ARL15: variants seen among roughly 807,000 people sequenced by gnomAD.
The protein encoded by ARL15 is ARF like GTPase 15.
ARL15 carries 19 observed loss-of-function variants against 25.2 expected under a neutral mutation model. The ratio of observed to expected loss-of-function variants is 0.75; its 90% CI spans 0.53 to 1.10. ARL15 has a LOEUF of 1.10. ARL15 is among the 50% of genes least tolerant of loss of function. The pLI, the probability that ARL15 is intolerant of heterozygous loss-of-function variation, is 0.00. For missense variants in ARL15, 220 were observed against 246.0 expected (o/e 0.89, Z 0.71); for synonymous variants, 94 against 86.8 (o/e 1.08, Z -0.46).
chr5:53,990,645 G>A (rs1294693293), intron 4 of ARL15, among the ~76,000 whole-genome samples: 1 of 152,168 alleles, frequency 6.6e-6, no homozygotes, highest in Non-Finnish European at 1.5e-5. Context: ...CCATGGGAAA[G>A]CATTTTCTGG....
At chr5:53,975,183 T>C (rs1747886921) in intron 4 of ARL15, among the ~76,000 whole-genome samples, 1 of 152,176 alleles carries the variant, frequency 6.6e-6, no homozygotes, top group Non-Finnish European at 1.5e-5. Context: ...CATCTTTTTC[T>C]CTAAACTTTC....
chr5:54,302,895 C>T (rs1177292162), intron 1 of ARL15, among the ~76,000 whole-genome samples: 2 of 151,658 alleles, frequency 1.3e-5, no homozygotes, highest in African/African-American at 2.4e-5. Flanking sequence ...GACATTGGGA[C>T]ATTTGGGGAG....
intron 4 of ARL15, among the ~76,000 whole-genome samples, chr5:54,081,615 T>C (rs1416855646): frequency 6.6e-6 from 1 of 152,138 alleles, no homozygotes; most frequent in Non-Finnish European, 1.5e-5. Flanking sequence ...GTATTATAAA[T>C]TGCTTTTCCC....
intron 1 of ARL15, among the ~76,000 whole-genome samples, chr5:54,258,352 G>A (rs1270728214): frequency 6.6e-6 from 1 of 151,970 alleles, no homozygotes; most frequent in African/African-American, 2.4e-5. Flanking sequence ...CCATCCTCCC[G>A]TTACAGATGG....
intron 1 of ARL15, among the ~76,000 whole-genome samples, chr5:54,309,880 C>G (rs935858636): frequency 6.6e-6 from 1 of 152,170 alleles, no homozygotes; most frequent in Admixed American, 6.5e-5. Flanking sequence ...CAGTCCTGTT[C>G]GTGCCAGCCT....
intron 1 of ARL15, among the ~76,000 whole-genome samples, chr5:54,175,637 C>T (rs1322807887): frequency 6.7e-6 from 1 of 149,514 alleles, no homozygotes; most frequent in Non-Finnish European, 1.5e-5. Context: ...GCCCAGCCTT[C>T]TCTTCTCTTT....
intron 4 of ARL15, among the ~76,000 whole-genome samples, chr5:54,026,345 T>C (rs958995259): frequency 1.3e-5 from 2 of 152,208 alleles, no homozygotes; most frequent in African/African-American, 4.8e-5. Context: ...CAGAGCTCAC[T>C]GCAGCCTTGA....
At chr5:54,299,265 G>A (rs534165325) in intron 1 of ARL15, among the ~76,000 whole-genome samples, 5 of 152,172 alleles carry the variant, frequency 3.3e-5, no homozygotes, top group East Asian at 1.9e-4. Flanking sequence ...TATACTACAC[G>A]CCAGCAGTGG....
chr5:54,295,322 T>C (rs542262682), intron 1 of ARL15, among the ~76,000 whole-genome samples: 26 of 152,308 alleles, frequency 1.7e-4, no homozygotes, highest in Admixed American at 7.2e-4. Context: ...CCAGTATAGT[T>C]AGGTATTCTC....
chr5:54,251,121 A>T (rs1561283309), intron 1 of ARL15, among the ~76,000 whole-genome samples: 1 of 134,104 alleles, frequency 7.5e-6, no homozygotes, highest in African/African-American at 2.5e-5. Flanking sequence ...TTAGAAAGTG[A>T]TTCACTTGAA....
At chr5:54,275,303 A>G (rs1013492025) in intron 1 of ARL15, among the ~76,000 whole-genome samples, 2 of 152,164 alleles carry the variant, frequency 1.3e-5, no homozygotes, top group Admixed American at 6.5e-5. Flanking sequence ...ATTGTCCCCA[A>G]TATCCATTCT....
chr5:54,054,957 C>A (rs1750817212), intron 4 of ARL15, among the ~76,000 whole-genome samples: 1 of 152,130 alleles, frequency 6.6e-6, no homozygotes, highest in Non-Finnish European at 1.5e-5. Flanking sequence ...TCTTGGACAC[C>A]CACTTAGCTT....
intron 4 of ARL15, among the ~76,000 whole-genome samples, chr5:54,020,094 TAA>T (rs1446894804): frequency 1.3e-5 from 2 of 152,218 alleles, no homozygotes; most frequent in Non-Finnish European, 2.9e-5. Context: ...TATGAAGTAT[TAA>T]AGTTACTTAT....
chr5:53,916,435 C>A (rs1745650161), intron 4 of ARL15, among the ~76,000 whole-genome samples: 1 of 41,930 alleles, frequency 2.4e-5, no homozygotes, highest in Non-Finnish European at 6.5e-5. Flanking sequence ...ATGATTTGTA[C>A]ACCAAACCCC....
chr5:54,106,572 C>T (rs2112196461), intron 4 of ARL15, among the ~76,000 whole-genome samples: 1 of 152,178 alleles, frequency 6.6e-6, no homozygotes, highest in East Asian at 1.9e-4. Flanking sequence ...TAAATCATCT[C>T]TAGATTACTT....
chr5:54,303,191 C>T (rs182333570), intron 1 of ARL15, among the ~76,000 whole-genome samples: 10 of 151,912 alleles, frequency 6.6e-5, no homozygotes, highest in African/African-American at 1.9e-4. Flanking sequence ...CCAGGCAGTG[C>T]GTGGCAAAAG....
chr5:53,962,376 T>C (rs1747399504), intron 4 of ARL15, among the ~76,000 whole-genome samples: 1 of 152,164 alleles, frequency 6.6e-6, no homozygotes, highest in Non-Finnish European at 1.5e-5. Context: ...GAACTTTATG[T>C]TACCAAACAA....
At chr5:53,942,844 A>G (rs1230325346) in intron 4 of ARL15, among the ~76,000 whole-genome samples, 2 of 152,172 alleles carry the variant, frequency 1.3e-5, no homozygotes, top group South Asian at 2.1e-4. Flanking sequence ...TGAGGCCCGC[A>G]TTCCACTATT....
intron 1 of ARL15, among the ~76,000 whole-genome samples, chr5:54,284,600 T>C (rs1758142480): frequency 6.6e-6 from 1 of 152,250 alleles, no homozygotes; most frequent in African/African-American, 2.4e-5. Context: ...CTTTAGTTAC[T>C]AAAAACCTAC....
Sources: gnomAD v4.1 joint callset for allele counts (sites outside exome capture counted in the v4.1 genomes callset) on GRCh38, gnomAD v4.1.1 for gene constraint, MANE v1.5 for transcripts, NCBI Gene and HGNC (gene_info 2026-07-23, HGNC 2026-07-21) for gene names.